EIF3A: variants seen among roughly 807,000 people sequenced by gnomAD.
EIF3A encodes the protein EIF3, p180 subunit.
Under a neutral mutation model 186.6 loss-of-function variants are expected in EIF3A, and 21 were observed. That is an observed-to-expected ratio of 0.11 (90% CI 0.08 to 0.16). The LOEUF is 0.16. Among genes scored for constraint, EIF3A ranks in the 10% least tolerant of loss-of-function variants. The pLI, the probability that EIF3A is intolerant of heterozygous loss-of-function variation, is 1.00. For missense variants in EIF3A, 1,306 were observed against 1,796.3 expected, an observed-to-expected ratio of 0.73 and a Z score of 4.93; for synonymous variants, 563 against 584.3, an observed-to-expected ratio of 0.96 and a Z score of 0.52.
At chr10:119,060,709 T>C (rs749880855) in intron 9 of EIF3A, 37 bp downstream of exon 9, 1 of 1,534,102 alleles carries the variant, frequency 6.5e-7, no homozygotes, top group Non-Finnish European at 8.9e-7. Context: ...GATGAGCACA[T>C]AACATCACAA....
At chr10:119,068,422 C>G (rs1397974013) in intron 6 of EIF3A, among the ~76,000 whole-genome samples, 1 of 152,180 alleles carries the variant, frequency 6.6e-6, no homozygotes, top group Non-Finnish European at 1.5e-5. Flanking sequence ...CACCTGTAAT[C>G]CCAGCACTTT....
intron 7 of EIF3A, among the ~76,000 whole-genome samples, chr10:119,064,980 G>T (rs958700113): frequency 6.6e-6 from 1 of 152,142 alleles, no homozygotes; most frequent in Non-Finnish European, 1.5e-5. Context: ...AAAGTGCTGG[G>T]ATTACAGACG....
At chr10:119,065,923 T>C (rs557299142) in intron 6 of EIF3A, among the ~76,000 whole-genome samples, 110 of 151,390 alleles carry the variant, frequency 7.3e-4, no homozygotes, top group African/African-American at 2.5e-3. Flanking sequence ...GAGACCATCC[T>C]GGCTAACACG....
chr10:119,067,902 C>A (rs575228787), intron 6 of EIF3A, among the ~76,000 whole-genome samples: 1 of 152,244 alleles, frequency 6.6e-6, no homozygotes, highest in South Asian at 2.1e-4. Flanking sequence ...GCTACGCCTC[C>A]CAGGTTCAAG....
intron 17 of EIF3A, among the ~76,000 whole-genome samples, chr10:119,045,292 A>G (rs1459938178): frequency 1.3e-5 from 2 of 152,152 alleles, no homozygotes; most frequent in Non-Finnish European, 2.9e-5. Flanking sequence ...AAACTCTAAA[A>G]TAACAACTAG....
At chr10:119,049,305 G>C (rs1296018062) in intron 17 of EIF3A, among the ~76,000 whole-genome samples, 3 of 152,056 alleles carry the variant, frequency 2.0e-5, no homozygotes, top group African/African-American at 7.2e-5. Context: ...AATTTTAGTA[G>C]TAAATTTTGT....
At chr10:119,041,180 A>G (rs989564164) in intron 19 of EIF3A, among the ~76,000 whole-genome samples, 2 of 152,080 alleles carry the variant, frequency 1.3e-5, no homozygotes, top group African/African-American at 4.8e-5. Context: ...TCCACCTCAA[A>G]AAGAAAAAAA....
chr10:119,078,435 A>G (rs1340159301), intron 1 of EIF3A, among the ~76,000 whole-genome samples: 1 of 152,224 alleles, frequency 6.6e-6, no homozygotes, highest in Non-Finnish European at 1.5e-5. Flanking sequence ...TTAGGTCTAA[A>G]TATTGTTAGG....
chr10:119,059,531 T>C lies in EIF3A; in HGVS notation c.1443+71A>G, dbSNP rs1843847403. 5.5e-5 allele frequency: 75 copies of C among 1,375,656 alleles called. No homozygotes were observed. In the South Asian group the frequency reaches 8.4e-4, roughly 15 times the overall value. The allele number at this position is 1,375,656 out of a possible 1,614,324, so 85.2% of individuals were successfully genotyped here. A position where few individuals can be genotyped will look rare whatever the true frequency, so the allele number is the denominator to read the frequency against. ...AAAATGGTATCACTGTACCAAAAGC[T>C]GAGAAACAGAAGGTATGTGTCTTTC... is the stretch of plus-strand genomic sequence containing the variant. On this transcript the variant is annotated intron_variant, in intron 10 of 21. Transcript: ENST00000369144.
In EIF3A at chr10:119,042,318, C is replaced by G. The variant is rs769724773; in HGVS notation, c.3202G>C (p.Gly1068Arg). 1 of 1,613,646 alleles carries G rather than the reference C, an allele frequency of 6.2e-7. No individual in the cohort carries two copies. Among genetic ancestry groups the G allele is most frequent in the Admixed American group, 1.7e-5 (1 of 59,952 alleles). ...TCATCATCCAACCCTCGCCTGGGAC[C>G]CCGGTCATCATCAGCATTACGCCAG... ...SSWRNADDDR[G>R]PRRGLDDDRG... The change falls in exon 19 of 22, where the codon GGT (glycine) becomes CGT (arginine). Residue 1068 changes from glycine (G) to arginine (R), a missense_variant. Around this residue, in one of 8 missense-constraint regions of EIF3A, gnomAD observed 410 missense variants for 473.5 expected, o/e 0.87. Coordinates refer to ENST00000369144, the MANE Select transcript of EIF3A (RefSeq NM_003750.4). This position sits in a 1 kb window ranked among gnomAD's most constrained non-coding sequence, Gnocchi z 7.8.
At chr10:119,039,254 A>G (rs1446443935) in intron 19 of EIF3A, among the ~76,000 whole-genome samples, 2 of 152,120 alleles carry the variant, frequency 1.3e-5, no homozygotes, top group Non-Finnish European at 2.9e-5. Context: ...TTAACCCTGC[A>G]CAGTGGCTCA....
At chr10:119,080,408 C>G in intron 1 of EIF3A, 2 of 985,442 alleles carry the variant, frequency 2.0e-6, no homozygotes, top group Non-Finnish European at 2.4e-6. Flanking sequence ...AGGAAAGGCC[C>G]CTGGGGCGAC....
intron 14 of EIF3A, among the ~76,000 whole-genome samples, chr10:119,054,235 A>C (rs1162047085): frequency 1.3e-5 from 2 of 152,000 alleles, no homozygotes; most frequent in Non-Finnish European, 2.9e-5. Context: ...GCGGCTTTCT[A>C]ACCTCTCTCA....
At chr10:119,055,633 A>G (rs996831894) in intron 14 of EIF3A, among the ~76,000 whole-genome samples, 2 of 152,162 alleles carry the variant, frequency 1.3e-5, no homozygotes, top group African/African-American at 4.8e-5. Context: ...GCACTTTGGG[A>G]GGCCCAGCCA....
At chr10:119,057,754 G>A (rs963278246) in intron 12 of EIF3A, among the ~76,000 whole-genome samples, 4 of 152,138 alleles carry the variant, frequency 2.6e-5, no homozygotes, top group African/African-American at 7.2e-5. Flanking sequence ...CAGCCTGGGC[G>A]ACAAGATAAT....
chr10:119,070,337 C>A lies in EIF3A; in HGVS notation c.741+549G>T, dbSNP rs530402846. Among the ~76,000 whole-genome samples, 6 of 152,298 alleles carry A rather than the reference C, an allele frequency of 3.9e-5. No individual in the cohort carries two copies. In the South Asian group the frequency reaches 6.2e-4, roughly 16 times the overall value. On this transcript the variant is annotated intron_variant, in intron 5 of 21. Transcript: ENST00000369144. ...CAATGCAAGACAGGCAGCTAAAGCA[C>A]CACTAAGAAATCTAGAATAATCTAC... is the stretch of plus-strand genomic sequence containing the variant.
intron 6 of EIF3A, among the ~76,000 whole-genome samples, chr10:119,067,816 A>AT (rs560028052): frequency 9.6e-4 from 141 of 147,108 alleles, no homozygotes; most frequent in Admixed American, 2.1e-3. Flanking sequence ...GTCCAATAGC[A>AT]TTTTTTTTTT....
At chr10:119,054,522 C>A (rs561767761) in intron 14 of EIF3A, among the ~76,000 whole-genome samples, 11 of 149,978 alleles carry the variant, frequency 7.3e-5, no homozygotes, top group Non-Finnish European at 1.3e-4. Flanking sequence ...TGAGACCAGC[C>A]TGACCAACAT....
intron 19 of EIF3A, among the ~76,000 whole-genome samples, chr10:119,038,941 G>T (rs1848171664): frequency 6.6e-6 from 1 of 150,568 alleles, no homozygotes; most frequent in Non-Finnish European, 1.5e-5. Flanking sequence ...AACAGGAAAA[G>T]AAAAAAAAAT....
Sources: gnomAD v4.1 joint callset for allele counts (sites outside exome capture counted in the v4.1 genomes callset) on GRCh38, gnomAD v4.1.1 for gene constraint, gnomAD v4.1.1 regional missense constraint, Gnocchi (gnomAD v3.1) non-coding constraint, MANE v1.5 for transcripts, NCBI Gene and HGNC (gene_info 2026-07-23, HGNC 2026-07-21) for gene names.